MAST4: variants seen among roughly 807,000 people sequenced by gnomAD.
The protein encoded by MAST4 is microtubule associated serine/threonine kinase family member 4.
A neutral mutation model predicts 162.7 loss-of-function variants in MAST4; 89 were observed. The ratio of observed to expected loss-of-function variants is 0.55; its 90% CI spans 0.46 to 0.65. MAST4 has a LOEUF of 0.65. MAST4 is among the 30% of genes least tolerant of loss of function. MAST4 has a pLI of 0.00. For missense variants in MAST4, 3,153 were observed against 3,374.0 expected (o/e 0.93, Z 1.62); for synonymous variants, 1,479 against 1,361.1 (o/e 1.09, Z -1.91).
At chr5:66,814,570 G>A (rs1756633084) in intron 3 of MAST4, among the ~76,000 whole-genome samples, 1 of 152,148 alleles carries the variant, frequency 6.6e-6, no homozygotes, top group Admixed American at 6.5e-5. Context: ...CAGAGACAAG[G>A]TGAAATGCAC....
intron 7 of MAST4, 88 bp downstream of exon 7, chr5:67,095,763 TA>T: frequency 2.1e-6 from 2 of 967,298 alleles, no homozygotes; most frequent in Non-Finnish European, 2.9e-6. Context: ...TGTTTCCTGG[TA>T]GGGAGGAGAA....
At chr5:66,732,597 A>G (rs1416324507) in intron 1 of MAST4, among the ~76,000 whole-genome samples, 1 of 152,214 alleles carries the variant, frequency 6.6e-6, no homozygotes, top group African/African-American at 2.4e-5. Flanking sequence ...ATGCTTTGTG[A>G]ACTTTATACA....
intron 3 of MAST4, among the ~76,000 whole-genome samples, chr5:66,808,278 G>A (rs1416643011): frequency 6.6e-6 from 1 of 152,196 alleles, no homozygotes; most frequent in Non-Finnish European, 1.5e-5. Context: ...GCTGTCTCAT[G>A]AAGGAGGTGA....
At chr5:67,092,268 C>T (rs1763945947) in intron 6 of MAST4, among the ~76,000 whole-genome samples, 2 of 152,280 alleles carry the variant, frequency 1.3e-5, no homozygotes, top group South Asian at 4.1e-4. Context: ...GCTTATTAAT[C>T]TTTTCTGACC....
At chr5:66,609,534 C>T (rs547350086) in intron 1 of MAST4, among the ~76,000 whole-genome samples, 26 of 151,258 alleles carry the variant, frequency 1.7e-4, no homozygotes, top group South Asian at 2.1e-4. Flanking sequence ...GGGCTACAGG[C>T]GCATACTACC....
chr5:67,014,112 G>A (rs1283013934), intron 4 of MAST4, among the ~76,000 whole-genome samples: 1 of 150,746 alleles, frequency 6.6e-6, no homozygotes, highest in Non-Finnish European at 1.5e-5. Flanking sequence ...TTTTTTCCAT[G>A]TAAGGACTGA....
intron 1 of MAST4, among the ~76,000 whole-genome samples, chr5:66,750,729 G>A (rs989574124): frequency 1.3e-5 from 2 of 152,164 alleles, no homozygotes; most frequent in Admixed American, 6.5e-5. Flanking sequence ...AGGGGCACCC[G>A]CCATTGCCCA....
At chr5:66,892,150 C>T (rs1762404281) in intron 3 of MAST4, among the ~76,000 whole-genome samples, 1 of 152,230 alleles carries the variant, frequency 6.6e-6, no homozygotes, top group Non-Finnish European at 1.5e-5. Context: ...CATCTTTAAA[C>T]CAATTACTTT....
chr5:66,897,526 G>A (rs1762762937), intron 3 of MAST4, among the ~76,000 whole-genome samples: 1 of 152,206 alleles, frequency 6.6e-6, no homozygotes, highest in African/African-American at 2.4e-5. Flanking sequence ...TTGTTCACAA[G>A]GTCTTGGCCA....
chr5:67,078,917 T>TATATATATAATATATATATATATATA lies in MAST4; in HGVS notation c.764-11236_764-11235insATATATATATATATATAATATATATA, dbSNP rs1561622033. Among the ~76,000 whole-genome samples, 5 of 55,108 alleles carry TATATATATAATATATATATATATATA rather than the reference T, an allele frequency of 9.1e-5. 1 individual carries two copies. The highest frequency in any genetic ancestry group is 5.3e-4 in the African/African-American group (5 of 9,522). 36.2% of individuals were successfully genotyped at this position (55,108 alleles called of 152,430 possible). ...ATTTATATATTTTTATATAAATATA[T>TATATATATAATATATATATATATATA]ATATATATATATATATATATATATA... On this transcript the variant is annotated intron_variant, in intron 5 of 28. Transcript: ENST00000403625.
rs562033468 is a variant in MAST4 at position 67,005,216 on chromosome 5, C to T, written c.675-49188C>T. ...GTGACACTTTGAAAAGTTTATGCCC[C>T]GCTAGGGGAGGGGGTACTGTTTCAG... On this transcript the variant is annotated intron_variant, in intron 4 of 28. Coordinates refer to ENST00000403625, the MANE Select transcript of MAST4 (RefSeq NM_001164664.2). 20 of 664,296 alleles carry T rather than the reference C, an allele frequency of 3.0e-5. 1 individual carries two copies. The highest frequency in any genetic ancestry group is 3.0e-4 in the South Asian group (18 of 60,460). 41.2% of individuals were successfully genotyped at this position (664,296 alleles called of 1,614,324 possible).
At chr5:66,781,376 C>T (rs1248374898) in intron 2 of MAST4, among the ~76,000 whole-genome samples, 1 of 152,232 alleles carries the variant, frequency 6.6e-6, no homozygotes, top group Non-Finnish European at 1.5e-5. Flanking sequence ...AACCTATTAA[C>T]CTATATACCT....
chr5:66,985,147 G>A (rs928097886), intron 4 of MAST4, among the ~76,000 whole-genome samples: 1 of 152,110 alleles, frequency 6.6e-6, no homozygotes, highest in African/African-American at 2.4e-5. Flanking sequence ...CAGAGATTAG[G>A]AGGAAGACCA....
intron 4 of MAST4, among the ~76,000 whole-genome samples, chr5:67,006,874 C>T (rs1267515991): frequency 6.6e-6 from 1 of 152,098 alleles, no homozygotes; most frequent in African/African-American, 2.4e-5. Flanking sequence ...TGTTTCCACC[C>T]CAAGTCATGA....
intron 1 of MAST4, among the ~76,000 whole-genome samples, chr5:66,707,075 C>A (rs376913989): frequency 2.6e-5 from 4 of 152,090 alleles, no homozygotes; most frequent in Non-Finnish European, 4.4e-5. Flanking sequence ...TGTCCCTTAA[C>A]CTGCTTTCCT....
chr5:66,959,122 C>T, intron 4 of MAST4: 3 of 700,044 alleles, frequency 4.3e-6, no homozygotes, highest in Non-Finnish European at 8.0e-6. Context: ...GCAGCCTCCC[C>T]CTCCCCCTCG....
chr5:66,642,207 A>C (rs762129992), intron 1 of MAST4, among the ~76,000 whole-genome samples: 58 of 152,286 alleles, frequency 3.8e-4, no homozygotes, highest in Non-Finnish European at 1.3e-4. Context: ...AATTTATAAG[A>C]AATATAGTGG....
intron 4 of MAST4, among the ~76,000 whole-genome samples, chr5:67,006,789 C>T (rs1384855107): frequency 6.6e-6 from 1 of 152,148 alleles, no homozygotes; most frequent in Non-Finnish European, 1.5e-5. Context: ...ATTCAGACAG[C>T]TCACACTGAC....
chr5:67,140,723 T>G (rs1770278030), intron 19 of MAST4, among the ~76,000 whole-genome samples: 1 of 152,162 alleles, frequency 6.6e-6, no homozygotes, highest in Admixed American at 6.5e-5. Context: ...TGGTTATATT[T>G]GATGATTTAA....
Sources: gnomAD v4.1 joint callset for allele counts (sites outside exome capture counted in the v4.1 genomes callset) on GRCh38, gnomAD v4.1.1 for gene constraint, MANE v1.5 for transcripts, NCBI Gene and HGNC (gene_info 2026-07-23, HGNC 2026-07-21) for gene names.